Variants in SLC22A3 observed in about 807,000 individuals in gnomAD.
The protein encoded by SLC22A3 is EMT organic cation transporter 3.
A neutral mutation model predicts 59.1 loss-of-function variants in SLC22A3; 51 were observed. The observed-to-expected ratio is 0.86, with a 90% CI of 0.69 to 1.09. The LOEUF (loss-of-function observed/expected upper bound fraction) is 1.09. Ranked by LOEUF, SLC22A3 falls within the 50% of genes least tolerant of loss-of-function variation. The probability of loss-of-function intolerance (pLI) is 0.00; values close to 1 mark genes in which losing one functional copy is unlikely to be tolerated. For synonymous variants in SLC22A3, 325 were observed against 292.0 expected, an observed-to-expected ratio of 1.11 and a Z score of -1.15; for missense variants, 711 against 726.3, an observed-to-expected ratio of 0.98 and a Z score of 0.24.
At chr6:160,401,010 A>C (rs1023611356) in intron 2 of SLC22A3, among the ~76,000 whole-genome samples, 4 of 149,036 alleles carry the variant, frequency 2.7e-5, no homozygotes, top group Admixed American at 1.3e-4. Context: ...AAAAAAACCC[A>C]CACACACAAT....
chr6:160,436,063 C>G (rs1054548428), intron 5 of SLC22A3, among the ~76,000 whole-genome samples: 1 of 152,188 alleles, frequency 6.6e-6, no homozygotes. Flanking sequence ...CTGAGGAGGT[C>G]AAAGAGCCCT....
chr6:160,404,855 A>G (rs1267291391), intron 2 of SLC22A3, among the ~76,000 whole-genome samples: 1 of 147,002 alleles, frequency 6.8e-6, no homozygotes, highest in Non-Finnish European at 1.5e-5. Context: ...GAACAACTGG[A>G]CAACCACATG....
In SLC22A3 at chr6:160,378,638, T is replaced by A. The variant is rs971218404; in HGVS notation, c.430-19341T>A. Among the ~76,000 whole-genome samples, 7 of 152,322 alleles carry A rather than the reference T, an allele frequency of 4.6e-5. No individual in the cohort carries two copies. The East Asian group carries it at 1.3e-3, about 29-fold the overall frequency. On this transcript the variant is annotated intron_variant, in intron 1 of 10. Coordinates refer to ENST00000275300, the MANE Select transcript of SLC22A3 (RefSeq NM_021977.4). ...GACTTAGGATGGGATCACATCCAGA[T>A]ACACCCATTGTTAAATTGAAAATAT...
intron 1 of SLC22A3, among the ~76,000 whole-genome samples, chr6:160,377,472 T>C (rs1445502131): frequency 1.3e-5 from 2 of 149,948 alleles, no homozygotes; most frequent in Non-Finnish European, 1.5e-5. Context: ...AGAGTGAGAC[T>C]CTATTTCAAA....
chr6:160,353,931 A>G (rs534987318), intron 1 of SLC22A3, among the ~76,000 whole-genome samples: 4 of 152,304 alleles, frequency 2.6e-5, no homozygotes, highest in Admixed American at 6.5e-5. Flanking sequence ...TCAGACAGGT[A>G]TCCCAAATCT....
rs1786829555 is a variant in SLC22A3, at chr6:160,402,605, G to A, written c.534-4436G>A. 2.6e-5 allele frequency among the ~76,000 whole-genome samples: 4 copies of A among 151,652 alleles called. 1 individual carries two copies. The South Asian group carries it at 8.3e-4, about 32-fold the overall frequency. ...CTTAACATTTTTTTCAAGTTCTAAT[G>A]AAATATTCACATGCAATATTCAAGA... is the stretch of plus-strand genomic sequence containing the variant. On this transcript the variant is annotated intron_variant, in intron 2 of 10. Transcript: ENST00000275300.
chr6:160,436,186 G>A (rs962466193), intron 5 of SLC22A3, among the ~76,000 whole-genome samples: 1 of 152,142 alleles, frequency 6.6e-6, no homozygotes, highest in Admixed American at 6.5e-5. Context: ...TGGGGATTGG[G>A]GGGTGTCCTC....
chr6:160,425,263 CAT>C (rs1382613036), intron 5 of SLC22A3, among the ~76,000 whole-genome samples: 5 of 152,196 alleles, frequency 3.3e-5, no homozygotes, highest in South Asian at 2.1e-4. Context: ...TTGATCACCA[CAT>C]GTTTAGAAAA....
At chr6:160,433,576 C>T (rs1462798364) in intron 5 of SLC22A3, among the ~76,000 whole-genome samples, 1 of 151,460 alleles carries the variant, frequency 6.6e-6, no homozygotes, top group African/African-American at 2.4e-5. Context: ...GGTGCTGTGG[C>T]ATGCACCTGT....
chr6:160,426,050 A>G (rs1787939456), intron 5 of SLC22A3: 8 of 985,346 alleles, frequency 8.1e-6, no homozygotes, highest in Non-Finnish European at 9.6e-6. Context: ...TGTGCAGAAA[A>G]TATTCTGCAA....
intron 1 of SLC22A3, among the ~76,000 whole-genome samples, chr6:160,354,972 T>C (rs796831647): frequency 1.2e-4 from 19 of 152,268 alleles, no homozygotes; most frequent in African/African-American, 4.6e-4. Context: ...CGGAGCAACC[T>C]TCCTCCTGCA....
In SLC22A3 at chr6:160,402,957, ATAATC is replaced by A. The variant is rs1462166487; in HGVS notation, c.534-4080_534-4076del. Among the ~76,000 whole-genome samples, 8 of 151,800 alleles carry A rather than the reference ATAATC, an allele frequency of 5.3e-5. No individual in the cohort carries two copies. The East Asian group carries it at 7.7e-4, about 15-fold the overall frequency. On this transcript the variant is annotated intron_variant, in intron 2 of 10. Coordinates refer to ENST00000275300, the MANE Select transcript of SLC22A3 (RefSeq NM_021977.4). Reference sequence around the variant, plus strand: ...AGAAAAGAGGAAATATATAAAATCAATAATCTAAGCTTTCACCTTAGGAAACTGGA... The same window carrying A: ...AGAAAAGAGGAAATATATAAAATCAATAAGCTTTCACCTTAGGAAACTGGA...
chr6:160,355,726 C>T (rs561390562), intron 1 of SLC22A3, among the ~76,000 whole-genome samples: 36 of 152,144 alleles, frequency 2.4e-4, no homozygotes, highest in African/African-American at 8.2e-4. Flanking sequence ...AAGCTGAGAT[C>T]GCACCACTGC....
chr6:160,411,313 C>T (rs147587240), intron 5 of SLC22A3, among the ~76,000 whole-genome samples: 4 of 152,270 alleles, frequency 2.6e-5, no homozygotes, highest in Non-Finnish European at 2.9e-5. Context: ...CATACCAGAG[C>T]TTGAGCAGTA....
intron 1 of SLC22A3, among the ~76,000 whole-genome samples, chr6:160,374,101 C>T (rs1177232896): frequency 2.6e-5 from 4 of 152,156 alleles, no homozygotes; most frequent in Non-Finnish European, 4.4e-5. Context: ...AAATGGCTGC[C>T]CAGTTTTGTG....
intron 5 of SLC22A3, among the ~76,000 whole-genome samples, chr6:160,425,194 T>A (rs1478554941): frequency 3.3e-5 from 5 of 152,220 alleles, no homozygotes; most frequent in African/African-American, 1.2e-4. Flanking sequence ...ACAGGTTGAG[T>A]ATTAAATTAT....
At chr6:160,446,287 G>A (rs759132471) in intron 9 of SLC22A3, among the ~76,000 whole-genome samples, 3 of 152,194 alleles carry the variant, frequency 2.0e-5, no homozygotes, top group Non-Finnish European at 2.9e-5. Flanking sequence ...CTGGAGCATG[G>A]TCCTATGCTG....
chr6:160,364,143 T>C (rs935648646), intron 1 of SLC22A3, among the ~76,000 whole-genome samples: 9 of 152,080 alleles, frequency 5.9e-5, no homozygotes, highest in Non-Finnish European at 8.8e-5. Context: ...GAGGAAACAA[T>C]ACCTATAAAA....
At chr6:160,355,473 T>C (rs542878332) in intron 1 of SLC22A3, among the ~76,000 whole-genome samples, 36 of 152,148 alleles carry the variant, frequency 2.4e-4, no homozygotes, top group Middle Eastern at 3.4e-3. Flanking sequence ...AATACCTGTC[T>C]TTCCTCGGCC....
Sources: allele counts gnomAD v4.1 joint callset (sites outside exome capture counted in the v4.1 genomes callset), GRCh38; gene constraint gnomAD v4.1.1; transcripts MANE v1.5; gene names NCBI Gene and HGNC (gene_info 2026-07-23, HGNC 2026-07-21).